The following LTBR variants were observed in gnomAD, a reference collection of about 807,000 sequenced individuals.
LTBR encodes lymphotoxin beta receptor.
In LTBR, 15 loss-of-function variants were observed where a neutral mutation model predicts 45.4. The ratio of observed to expected loss-of-function variants is 0.33; its 90% CI spans 0.22 to 0.51. LTBR has a LOEUF of 0.51. Among genes scored for constraint, LTBR ranks in the 20% least tolerant of loss-of-function variants. The pLI is 0.97. For synonymous variants in LTBR, 228 were observed against 231.0 expected (o/e 0.99, Z 0.12); for missense variants, 450 against 565.5 (o/e 0.80, Z 2.07).
At chr12:6,379,312 A>T (rs1948954314), upstream of LTBR, among the ~76,000 whole-genome samples, 1 of 152,178 alleles carries the variant, frequency 6.6e-6, no homozygotes, top group Non-Finnish European at 1.5e-5. Flanking sequence ...ATATGCTACG[A>T]AAAAGCATCT....
In LTBR at chr12:6,388,970, G is replaced by A; in HGVS notation, c.801+145G>A. On this transcript the variant is annotated intron_variant, in intron 8 of 9. Transcript: ENST00000228918. The surrounding 1 kb of genome is among the most constrained non-coding windows in gnomAD (Gnocchi z 4.3). ...ATTTACTGAACATGCCACGTACCAG[G>A]CACTGTCCTAGGCACTGGGCGTACA... 1 of 1,012,646 alleles carries A rather than the reference G, an allele frequency of 9.9e-7. No homozygotes were observed. The highest frequency in any genetic ancestry group is 1.6e-5 in the African/African-American group (1 of 63,726). The allele number at this position is 1,012,646 out of a possible 1,614,324, so 62.7% of individuals were successfully genotyped here.
chr12:6,386,468 A>ACGG lies in LTBR; in HGVS notation c.667+25_667+27dup. On this transcript the variant is annotated intron_variant, in intron 6 of 9. Coordinates refer to ENST00000228918, the MANE Select transcript of LTBR (RefSeq NM_002342.3). The surrounding 1 kb of genome is among the most constrained non-coding windows in gnomAD (Gnocchi z 4.1). ...AGGTGAGGGACCAGGGCTGAGGGAC[A>ACGG]CGGGGGGGGCGCCTCTGAAAATGCC... 1 of 1,162,752 alleles carries ACGG rather than the reference A, an allele frequency of 8.6e-7. No homozygotes were observed. The highest frequency in any genetic ancestry group is 1.2e-6 in the Non-Finnish European group (1 of 847,646). 72.0% of individuals were successfully genotyped at this position (1,162,752 alleles called of 1,614,324 possible).
At chr12:6,384,975 G>T (rs1286844294) in intron 2 of LTBR, 47 bp from the exon 3 acceptor site, 1 of 1,611,998 alleles carries the variant, frequency 6.2e-7, no homozygotes, top group South Asian at 1.1e-5. Flanking sequence ...CGGAGGTGAG[G>T]GTGGAGCCTC....
At chr12:6,382,842 G>C (rs3759334), upstream of LTBR, among the ~76,000 whole-genome samples, 1 of 152,062 alleles carries the variant, frequency 6.6e-6, no homozygotes. Context: ...TCTCAAGAGA[G>C]GTTAGCCCCT....
At chr12:6,375,836 C>A in intron 1 of LTBR, 3 of 1,340,108 alleles carry the variant, frequency 2.2e-6, no homozygotes, top group Admixed American at 3.6e-5. Context: ...GGAGAAGGGG[C>A]CAGCCAGGCT....
chr12:6,390,916 C>A lies in LTBR; in HGVS notation c.1287C>A (p.Asn429Lys), dbSNP rs376201696. ...GATPSNRGPR[N>K]QFITHD ...CACCCTCTAACAGGGGCCCAAGGAA[C>A]CAATTTATCACCCATGACTGACTGA... Residue 429 changes from asparagine to lysine, a missense_variant, in exon 10 of 10, where the codon AAC becomes AAA. This residue lies in a region of LTBR where 71 missense variants were observed against 90.4 expected (regional missense o/e 0.79). Transcript: ENST00000228918. 105 of 1,580,276 alleles carry A rather than the reference C, an allele frequency of 6.6e-5. No homozygotes were observed. The highest frequency in any genetic ancestry group is 8.6e-5 in the Non-Finnish European group (100 of 1,165,570).
chr12:6,390,208 G>T lies in LTBR; in HGVS notation c.898G>T (p.Asp300Tyr). The change falls in exon 9 of 10, where the codon GAT (aspartate) becomes TAT (tyrosine). Residue 300 changes from aspartate (D) to tyrosine (Y), a missense_variant. Transcript: ENST00000228918. ...LVQPLLPISG[D>Y]VSPVSTGLPA... ...ACAGCCACTGCTACCCATTTCTGGAGATGTTTCCCCAGTATCCACTGGGCT... is the reference window on the plus strand; with the variant it reads ...ACAGCCACTGCTACCCATTTCTGGATATGTTTCCCCAGTATCCACTGGGCT... The T allele has an allele frequency of 6.2e-7, 1 of 1,614,124 alleles. No homozygotes were observed. The highest frequency in any genetic ancestry group is 8.5e-7 in the Non-Finnish European group (1 of 1,180,042).
intron 8 of LTBR, 138 bp from the exon 9 acceptor site, chr12:6,389,974 A>C: frequency 1.5e-6 from 1 of 659,632 alleles, no homozygotes; most frequent in Middle Eastern, 4.0e-4. Flanking sequence ...AGAAAGAGAG[A>C]GAGAGAAAGA....
chr12:6,381,200 C>G (rs1393336342), upstream of LTBR, among the ~76,000 whole-genome samples: 1 of 152,174 alleles, frequency 6.6e-6, no homozygotes, highest in Non-Finnish European at 1.5e-5. Flanking sequence ...GCTACCATCT[C>G]TAGGCCTGGA....
chr12:6,384,354 C>T lies in LTBR; in HGVS notation c.-5C>T. The T allele has an allele frequency of 9.4e-6, 14 of 1,492,382 alleles. No individual in the cohort carries two copies. Among genetic ancestry groups the T allele is most frequent in the Non-Finnish European group, 1.2e-5 (14 of 1,125,530 alleles). 92.4% of individuals were successfully genotyped at this position (1,492,382 alleles called of 1,614,324 possible). A position where few individuals can be genotyped will look rare whatever the true frequency, so the allele number is the denominator to read the frequency against. ...CGTTGCTGGCCGCCTGGCCGAGTGG[C>T]CGCCATGCTCCTGCCTTGGGCCACC... On this transcript the variant is annotated 5_prime_UTR_variant, in exon 1 of 10. Coordinates refer to ENST00000228918, the MANE Select transcript of LTBR (RefSeq NM_002342.3).
rs1949070430 is a variant in LTBR at position 6,388,190 on chromosome 12, T to C, written c.668-208T>C. 1.8e-6 allele frequency: 1 copy of C among 544,264 alleles called. No homozygotes were observed. Among genetic ancestry groups the C allele is most frequent in the Non-Finnish European group, 3.3e-6 (1 of 301,578 alleles). The allele number at this position is 544,264 out of a possible 1,614,324, so 33.7% of individuals were successfully genotyped here. A position where few individuals can be genotyped will look rare whatever the true frequency, so the allele number is the denominator to read the frequency against. On this transcript the variant is annotated intron_variant, in intron 6 of 9. Transcript: ENST00000228918. The surrounding 1 kb of genome is among the most constrained non-coding windows in gnomAD (Gnocchi z 4.3). Reference sequence around the variant, plus strand: ...ACAGTCTCTCCTGGCTGCCAAGAGGTCCTCAAGTCCAACTTAGTTCCCCTT... The same window carrying C: ...ACAGTCTCTCCTGGCTGCCAAGAGGCCCTCAAGTCCAACTTAGTTCCCCTT...
chr12:6,390,018 G>T, intron 8 of LTBR, 94 bp from the exon 9 acceptor site: 2 of 788,558 alleles, frequency 2.5e-6, no homozygotes, highest in South Asian at 3.0e-5. Flanking sequence ...AGGAAAGAAA[G>T]AAAGAGAAAG....
At chr12:6,378,095 A>C (rs1389006380) in intron 1 of LTBR, among the ~76,000 whole-genome samples, 8 of 152,258 alleles carry the variant, frequency 5.3e-5, no homozygotes, top group Non-Finnish European at 1.2e-4. Flanking sequence ...GCAATACAGA[A>C]GTATATAGAG....
chr12:6,377,941 C>A (rs1202128973), intron 1 of LTBR, among the ~76,000 whole-genome samples: 1 of 152,216 alleles, frequency 6.6e-6, no homozygotes. Flanking sequence ...CATTCTAGAC[C>A]TGGAGCGGGC....
At chr12:6,379,948 C>CAAAAAAAAAAAAAAAAAAAAAAA (rs769215877), upstream of LTBR, among the ~76,000 whole-genome samples, 2 of 119,226 alleles carry the variant, frequency 1.7e-5, no homozygotes, top group African/African-American at 3.2e-5. Context: ...AAAAAAAAAA[C>CAAAAAAAAAAAAAAAAAAAAAAA]AAAAAAAAAA....
Position 6,391,125 on chromosome 12 carries a change from C to T in LTBR, c.*188C>T. The T allele has an allele frequency of 3.8e-6, 2 of 529,664 alleles. No individual in the cohort carries two copies. Among genetic ancestry groups the T allele is most frequent in the Non-Finnish European group, 6.1e-6 (2 of 329,952 alleles). The allele number at this position is 529,664 out of a possible 1,614,324, so 32.8% of individuals were successfully genotyped here. On this transcript the variant is annotated 3_prime_UTR_variant, in exon 10 of 10. Transcript: ENST00000228918. The stretch of plus-strand genomic sequence containing the variant: ...GGTACGGTGCCCTCCACAGGACTCT[C>T]CCTACTGCCTGAGCAAACCTGAGGC...
chr12:6,388,804 G>C lies in LTBR; in HGVS notation c.780G>C (p.Ser260=). The C allele has an allele frequency of 6.2e-7, 1 of 1,614,106 alleles. No individual in the cohort carries two copies. The highest frequency in any genetic ancestry group is 8.5e-7 in the Non-Finnish European group (1 of 1,179,996). The stretch of plus-strand genomic sequence containing the variant: ...CCATTTCATTCTCCATTGCAGGATC[G>C]CTGCTCAAGAGGCGTCCGCAGGTAA... ...SHPSLCRKLG[S]LLKRRPQGEG... is the part of the protein sequence containing the mutation. The change falls in exon 8 of 10, where the codon TCG becomes TCC. Residue 260 remains serine (S), a synonymous_variant. Coordinates refer to ENST00000228918, the MANE Select transcript of LTBR (RefSeq NM_002342.3). The surrounding 1 kb of genome is among the most constrained non-coding windows in gnomAD (Gnocchi z 4.3).
rs1949041160 is a variant in LTBR, at chr12:6,386,008, G to A, written c.473-58G>A. On this transcript the variant is annotated intron_variant, in intron 4 of 9. Transcript: ENST00000228918. The surrounding 1 kb of genome is among the most constrained non-coding windows in gnomAD (Gnocchi z 4.1). ...AGGCTTAAAGGAAACTCACAGGCCG[G>A]CAAAGGGCCCCTCCCTTTTGCCCAT... The A allele has an allele frequency of 8.0e-7, 1 of 1,244,130 alleles. No individual in the cohort carries two copies. The highest frequency in any genetic ancestry group is 1.2e-6 in the Non-Finnish European group (1 of 845,684). The allele number at this position is 1,244,130 out of a possible 1,614,324, so 77.1% of individuals were successfully genotyped here.
chr12:6,384,904 C>A, intron 2 of LTBR, 118 bp from the exon 3 acceptor site: 1 of 1,391,320 alleles, frequency 7.2e-7, no homozygotes, highest in Non-Finnish European at 1.0e-6. Flanking sequence ...CGGAGGGCCA[C>A]TGGCAGGATG....
Sources: gnomAD v4.1 joint callset for allele counts (sites outside exome capture counted in the v4.1 genomes callset) on GRCh38, gnomAD v4.1.1 for gene constraint, gnomAD v4.1.1 regional missense constraint, Gnocchi (gnomAD v3.1) non-coding constraint, MANE v1.5 for transcripts, NCBI Gene and HGNC (gene_info 2026-07-23, HGNC 2026-07-21) for gene names.